Variants in ITPR2 observed in about 807,000 individuals in gnomAD.
ITPR2 encodes inositol 1,4,5-trisphosphate-gated calcium channel ITPR2.
A neutral mutation model predicts 317.1 loss-of-function variants in ITPR2; 207 were observed. The observed-to-expected ratio is 0.65, with a 90% CI of 0.58 to 0.73. The LOEUF (loss-of-function observed/expected upper bound fraction) is 0.73, where lower values mean the gene tolerates loss of function less well. Ranked by LOEUF, ITPR2 falls within the 30% of genes least tolerant of loss-of-function variation. ITPR2 has a pLI of 0.00. For missense variants in ITPR2, 2,613 were observed against 3,284.0 expected (o/e 0.80, Z 4.99); for synonymous variants, 1,156 against 1,149.1 (o/e 1.01, Z -0.12).
intron 55 of ITPR2, among the ~76,000 whole-genome samples, chr12:26,371,081 C>T (rs1208149152): frequency 6.6e-6 from 1 of 152,198 alleles, no homozygotes; most frequent in Non-Finnish European, 1.5e-5. Context: ...GATATCATTG[C>T]CCTCTGGATG....
chr12:26,638,062 A>C (rs1946902915), intron 21 of ITPR2, among the ~76,000 whole-genome samples: 1 of 152,226 alleles, frequency 6.6e-6, no homozygotes, highest in Admixed American at 6.5e-5. Flanking sequence ...TATCAAGTAG[A>C]CTACTTAGAA....
chr12:26,724,881 T>C, intron 3 of ITPR2, 139 bp from the exon 4 acceptor site: 2 of 574,132 alleles, frequency 3.5e-6, no homozygotes, highest in Non-Finnish European at 6.1e-6. Flanking sequence ...GTAATCTTAG[T>C]TTAGGTGTTT....
intron 54 of ITPR2, among the ~76,000 whole-genome samples, chr12:26,396,974 AC>A (rs1475044067): frequency 6.6e-6 from 1 of 151,294 alleles, no homozygotes; most frequent in Non-Finnish European, 1.5e-5. Context: ...GCCACCACTA[AC>A]TCTCCTGCTT....
chr12:26,461,691 TAC>T (rs10580959), intron 45 of ITPR2, among the ~76,000 whole-genome samples: 175 of 123,798 alleles, frequency 1.4e-3, no homozygotes, highest in African/African-American at 3.6e-3. Context: ...CATATATATA[TAC>T]ACACACACAC....
intron 55 of ITPR2, among the ~76,000 whole-genome samples, chr12:26,357,063 A>C (rs891314905): frequency 2.5e-4 from 38 of 152,000 alleles, no homozygotes; most frequent in African/African-American, 8.7e-4. Flanking sequence ...CCCGAGTGAC[A>C]GAGTGTCTTT....
chr12:26,556,566 T>TTG lies in ITPR2; in HGVS notation c.4822-193_4822-192dup, dbSNP rs1555155168. 2.3e-3 allele frequency among the ~76,000 whole-genome samples: 319 copies of TTG among 136,216 alleles called. 4 individuals carry two copies. Among genetic ancestry groups the TTG allele is most frequent in the Middle Eastern group, 3.6e-3 (1 of 276 alleles). The allele number at this position is 136,216 out of a possible 152,430, so 89.4% of individuals were successfully genotyped here. On this transcript the variant is annotated intron_variant, in intron 35 of 56. Transcript: ENST00000381340. ...ATTGCCTGGGTCTCTATTTTTTTTT[T>TTG]TGTGTGTGTGTGTGTGTGTGTGTGT...
intron 2 of ITPR2, among the ~76,000 whole-genome samples, chr12:26,767,009 C>T (rs1353370074): frequency 2.0e-5 from 3 of 151,950 alleles, no homozygotes; most frequent in Non-Finnish European, 4.4e-5. Context: ...TTTTTTCCTC[C>T]TATAATAAGC....
At chr12:26,579,465 G>C (rs189293001) in intron 33 of ITPR2, among the ~76,000 whole-genome samples, 1 of 151,992 alleles carries the variant, frequency 6.6e-6, no homozygotes, top group Non-Finnish European at 1.5e-5. Context: ...AAACAAATTT[G>C]GATAATACTA....
intron 16 of ITPR2, 57 bp from the exon 17 acceptor site, chr12:26,658,187 C>G (rs1947417347): frequency 8.1e-7 from 1 of 1,228,064 alleles, no homozygotes; most frequent in Non-Finnish European, 1.1e-6. Context: ...ATAAAAGCAT[C>G]ACAATAAAGA....
At chr12:26,544,943 G>T (rs923425833) in intron 37 of ITPR2, among the ~76,000 whole-genome samples, 1 of 152,070 alleles carries the variant, frequency 6.6e-6, no homozygotes, top group African/African-American at 2.4e-5. Flanking sequence ...CTGTGTATGT[G>T]TTAGAATTGT....
At chr12:26,822,492 T>C (rs1350120961) in intron 1 of ITPR2, among the ~76,000 whole-genome samples, 1 of 150,760 alleles carries the variant, frequency 6.6e-6, no homozygotes, top group African/African-American at 2.4e-5. Context: ...TAGTTCTTAA[T>C]AGTTCATTAA....
chr12:26,620,049 C>A (rs1366160058), intron 26 of ITPR2, among the ~76,000 whole-genome samples: 1 of 152,186 alleles, frequency 6.6e-6, no homozygotes, highest in Non-Finnish European at 1.5e-5. Flanking sequence ...TATTACCTGG[C>A]ATTCAGCAAG....
intron 54 of ITPR2, among the ~76,000 whole-genome samples, chr12:26,392,803 G>T (rs1178311742): frequency 2.6e-5 from 4 of 152,172 alleles, no homozygotes; most frequent in Non-Finnish European, 5.9e-5. Flanking sequence ...GCCACAGCAA[G>T]ATACCCTATC....
At chr12:26,598,290 G>T (rs1262054949) in intron 30 of ITPR2, among the ~76,000 whole-genome samples, 1 of 152,154 alleles carries the variant, frequency 6.6e-6, no homozygotes, top group African/African-American at 2.4e-5. Flanking sequence ...TTAATTTTAA[G>T]ATTTCTAAGT....
chr12:26,621,939 A>G (rs1946506041), intron 25 of ITPR2, among the ~76,000 whole-genome samples: 2 of 152,246 alleles, frequency 1.3e-5, no homozygotes, highest in African/African-American at 4.8e-5. Flanking sequence ...GTAAAATTTA[A>G]GGATAAAATA....
At position 26,497,507 on chromosome 12, in the gene ITPR2, T is replaced by C. The variant is rs78313186; in HGVS notation, c.5074-2247A>G. On this transcript the variant is annotated intron_variant, in intron 37 of 56. Coordinates refer to ENST00000381340, the MANE Select transcript of ITPR2 (RefSeq NM_002223.4). Reference sequence around the variant, plus strand: ...TGATATTCAATTGTTTTAGGCACCATTTTAAGTCAATAAGATATAACCCAC... The same window carrying C: ...TGATATTCAATTGTTTTAGGCACCACTTTAAGTCAATAAGATATAACCCAC... Among the ~76,000 whole-genome samples the C allele has an allele frequency of 9.9e-3, 1,361 of 137,948 alleles. 19 individuals are homozygous for C. The highest frequency in any genetic ancestry group is 0.035 in the African/African-American group (1,289 of 36,448). 90.5% of individuals were successfully genotyped at this position (137,948 alleles called of 152,430 possible). A position where few individuals can be genotyped will look rare whatever the true frequency, so the allele number is the denominator to read the frequency against.
intron 37 of ITPR2, among the ~76,000 whole-genome samples, chr12:26,512,015 T>C (rs1943362384): frequency 6.6e-6 from 1 of 152,122 alleles, no homozygotes. Flanking sequence ...CTACTCTTCA[T>C]CTCATTTCCA....
intron 45 of ITPR2, among the ~76,000 whole-genome samples, chr12:26,467,567 AG>A (rs1413144844): frequency 6.6e-6 from 1 of 152,196 alleles, no homozygotes; most frequent in Non-Finnish European, 1.5e-5. Context: ...GGATAGTAAA[AG>A]CAGGCAGAAG....
intron 32 of ITPR2, among the ~76,000 whole-genome samples, chr12:26,585,566 G>A (rs537258761): frequency 4.6e-5 from 7 of 152,092 alleles, no homozygotes; most frequent in Non-Finnish European, 7.4e-5. Context: ...CACAACACCC[G>A]ACTAATTTTT....
Sources: gnomAD v4.1 joint callset for allele counts (sites outside exome capture counted in the v4.1 genomes callset) on GRCh38, gnomAD v4.1.1 for gene constraint, MANE v1.5 for transcripts, NCBI Gene and HGNC (gene_info 2026-07-23, HGNC 2026-07-21) for gene names.